TMEFF2: variants seen among roughly 807,000 people sequenced by gnomAD.
The protein encoded by TMEFF2 is tomoregulin-2.
TMEFF2 carries 28 observed loss-of-function variants against 53.8 expected under a neutral mutation model. That is an observed-to-expected ratio of 0.52 (90% confidence interval 0.39 to 0.71). TMEFF2 has a LOEUF of 0.71. Ranked by LOEUF, TMEFF2 falls within the 30% of genes least tolerant of loss-of-function variation. The probability of loss-of-function intolerance (pLI) is 0.00; values close to 1 mark genes in which losing one functional copy is unlikely to be tolerated. For missense variants in TMEFF2, 353 were observed against 455.2 expected (o/e 0.78, Z 2.04); for synonymous variants, 162 against 166.3 (o/e 0.97, Z 0.20).
intron 4 of TMEFF2, among the ~76,000 whole-genome samples, chr2:192,171,834 CTG>C (rs1410635257): frequency 6.6e-6 from 1 of 152,032 alleles, no homozygotes; most frequent in East Asian, 1.9e-4. Context: ...ATATGACAAT[CTG>C]TGTTTTTCCT....
chr2:192,062,978 TTTG>T (rs71033658), intron 4 of TMEFF2, among the ~76,000 whole-genome samples: 3 of 151,378 alleles, frequency 2.0e-5, no homozygotes, highest in Admixed American at 6.6e-5. Flanking sequence ...GTTTTTTTTT[TTTG>T]TTGTTGTTGT....
chr2:192,115,974 G>C (rs2356947), intron 4 of TMEFF2, among the ~76,000 whole-genome samples: 12 of 151,758 alleles, frequency 7.9e-5, no homozygotes, highest in African/African-American at 2.7e-4. Flanking sequence ...CCATCAATCT[G>C]TTCTTCTGGG....
intron 4 of TMEFF2, among the ~76,000 whole-genome samples, chr2:192,073,720 G>A (rs1482922264): frequency 6.6e-6 from 1 of 151,850 alleles, no homozygotes; most frequent in African/African-American, 2.4e-5. Context: ...AAAAACAAAT[G>A]CTAATGAAAG....
intron 6 of TMEFF2, 73 bp downstream of exon 6, chr2:191,998,987 A>C: frequency 6.9e-7 from 1 of 1,451,120 alleles, no homozygotes; most frequent in Admixed American, 1.9e-5. Context: ...CCTAATAAGG[A>C]GTTTTCTTCA....
At chr2:191,989,835 T>C (rs1183908112) in intron 7 of TMEFF2, among the ~76,000 whole-genome samples, 1 of 152,136 alleles carries the variant, frequency 6.6e-6, no homozygotes, top group African/African-American at 2.4e-5. Flanking sequence ...CACCCAAAAC[T>C]ATGCTCCAGA....
At chr2:191,950,566 TTA>T (rs1452348773) in intron 9 of TMEFF2, 159 bp from the exon 10 acceptor site, 1 of 1,132,438 alleles carries the variant, frequency 8.8e-7, no homozygotes, top group African/African-American at 1.6e-5. Context: ...GGAAAAGTTA[TTA>T]TTTTGCTTTT....
intron 4 of TMEFF2, among the ~76,000 whole-genome samples, chr2:192,159,329 G>C (rs1008377354): frequency 6.6e-6 from 1 of 152,092 alleles, no homozygotes; most frequent in Non-Finnish European, 1.5e-5. Context: ...TTGACAAATA[G>C]ATTGTCTCCT....
At chr2:192,148,802 C>T (rs2356757) in intron 4 of TMEFF2, among the ~76,000 whole-genome samples, 58,419 of 151,878 alleles carry the variant, frequency 0.38, 12,678 homozygotes, top group East Asian at 0.77. Flanking sequence ...ACTTTATTTA[C>T]GATTCATTTT....
chr2:192,142,239 T>A (rs1463652570), intron 4 of TMEFF2, among the ~76,000 whole-genome samples: 1 of 152,062 alleles, frequency 6.6e-6, no homozygotes, highest in Non-Finnish European at 1.5e-5. Flanking sequence ...TCTTGGATTC[T>A]CCTAGAAGCA....
rs1408058658 is a variant in TMEFF2, at chr2:192,194,473, C to T, written c.52G>A (p.Gly18Ser). Residue 18 changes from glycine (G) to serine (S), a missense_variant, in exon 1 of 10, where the codon GGC (glycine) becomes AGC (serine). Gly to Ser is a moderately conservative substitution (Grantham distance 56). Around this residue, in one of 3 missense-constraint regions of TMEFF2, gnomAD observed 54 missense variants for 41.8 expected, o/e 1.29. Coordinates refer to ENST00000272771, the MANE Select transcript of TMEFF2 (RefSeq NM_016192.4). This position sits in a 1 kb window ranked among gnomAD's most constrained non-coding sequence, Gnocchi z 4.2. Reference protein sequence around the residue: ...RQCSSWTLCEGFCWLLLLPVM... With the variant: ...RQCSSWTLCESFCWLLLLPVM... The stretch of plus-strand genomic sequence containing the variant: ...GGCAGCAGCAGCAGCCAGCAAAAGC[C>T]CTCGCAAAGTGTCCAGCTGCTGCAC... The T allele has an allele frequency of 6.2e-7, 1 of 1,614,118 alleles. No homozygotes were observed. The highest frequency in any genetic ancestry group is 1.1e-5 in the South Asian group (1 of 91,078).
chr2:192,193,757 T>TAGAGAGAG (rs1491267223), intron 1 of TMEFF2, among the ~76,000 whole-genome samples: 58 of 26,634 alleles, frequency 2.2e-3, no homozygotes, highest in East Asian at 0.011. Context: ...GAGAGATAGA[T>TAGAGAGAG]AGATAGAGAG....
chr2:192,167,913 G>A (rs1406120729), intron 4 of TMEFF2, among the ~76,000 whole-genome samples: 1 of 152,090 alleles, frequency 6.6e-6, no homozygotes, highest in African/African-American at 2.4e-5. Flanking sequence ...ATTCCTAGCA[G>A]TTCACATCAC....
At chr2:192,002,881 ATGT>A (rs905182274) in intron 5 of TMEFF2, among the ~76,000 whole-genome samples, 2 of 152,094 alleles carry the variant, frequency 1.3e-5, no homozygotes, top group African/African-American at 2.4e-5. Context: ...GGAAAAGGAA[ATGT>A]TGTGACTGGA....
chr2:192,166,079 T>A (rs370678294), intron 4 of TMEFF2, among the ~76,000 whole-genome samples: 10 of 152,176 alleles, frequency 6.6e-5, no homozygotes, highest in African/African-American at 2.4e-4. Context: ...CGTGACGCAG[T>A]GGGAGTATAG....
intron 5 of TMEFF2, among the ~76,000 whole-genome samples, chr2:192,012,520 C>T (rs5025632): frequency 0.09 from 13,731 of 152,166 alleles, 825 homozygotes; most frequent in East Asian, 0.3. Flanking sequence ...TTTCATTATT[C>T]ATCCAAATGT....
intron 4 of TMEFF2, among the ~76,000 whole-genome samples, chr2:192,129,562 C>T (rs528954745): frequency 6.6e-6 from 1 of 152,190 alleles, no homozygotes; most frequent in African/African-American, 2.4e-5. Context: ...TCTTACATTT[C>T]AATTCTAAGA....
Position 191,950,207 on chromosome 2 carries a change from T to C in TMEFF2, c.*104A>G. 6 of 1,547,042 alleles carry C rather than the reference T, an allele frequency of 3.9e-6. No individual in the cohort carries two copies. The South Asian group carries it at 5.2e-5, about 13-fold the overall frequency. ...TTTCATTGGTGTAGATTACCACAAA[T>C]GCAAGGCAACATGTGTAGATCTCTT... is the stretch of plus-strand genomic sequence containing the variant. On this transcript the variant is annotated 3_prime_UTR_variant, in exon 10 of 10. Transcript: ENST00000272771.
At chr2:192,012,173 G>T (rs1686644632) in intron 5 of TMEFF2, among the ~76,000 whole-genome samples, 1 of 152,168 alleles carries the variant, frequency 6.6e-6, no homozygotes, top group African/African-American at 2.4e-5. Flanking sequence ...AAAGTGCTGG[G>T]ATTACAGGCG....
chr2:192,070,207 T>G (rs1364806162), intron 4 of TMEFF2, among the ~76,000 whole-genome samples: 1 of 151,580 alleles, frequency 6.6e-6, no homozygotes, highest in African/African-American at 2.4e-5. Flanking sequence ...GATTTAGATT[T>G]GTGAATGAAT....
Sources: gnomAD v4.1 joint callset for allele counts (sites outside exome capture counted in the v4.1 genomes callset) on GRCh38, gnomAD v4.1.1 for gene constraint, gnomAD v4.1.1 regional missense constraint, Gnocchi (gnomAD v3.1) non-coding constraint, MANE v1.5 for transcripts, NCBI Gene and HGNC (gene_info 2026-07-23, HGNC 2026-07-21) for gene names.